Variants in GNL3L observed in about 807,000 individuals in gnomAD.
GNL3L encodes G protein nucleolar 3 like, also known as guanine nucleotide-binding protein-like 3-like protein.
GNL3L carries 4 observed loss-of-function variants against 42.9 expected under a neutral mutation model. The ratio of observed to expected loss-of-function variants is 0.09; its 90% confidence interval spans 0.05 to 0.21. GNL3L has a LOEUF of 0.21. Among genes scored for constraint, GNL3L ranks in the 10% least tolerant of loss-of-function variants. GNL3L has a pLI of 1.00. For synonymous variants in GNL3L, 159 were observed against 176.3 expected (o/e 0.90, Z 0.78); for missense variants, 412 against 481.7 (o/e 0.86, Z 1.36).
Position 54,542,936 on chromosome X carries a change from C to T in GNL3L, c.307-19C>T. On this transcript the variant is annotated intron_variant, in intron 5 of 15. Transcript: ENST00000360845. The stretch of plus-strand genomic sequence containing the variant: ...TCCCCCTCCTCCCCTGGACCATTCT[C>T]TTTTTTTTTCTCCTTTAGGAGGAAG... 9.5e-7 allele frequency: 1 copy of T among 1,052,110 alleles called. No homozygotes were observed. Among genetic ancestry groups the T allele is most frequent in the Non-Finnish European group, 1.3e-6 (1 of 753,998 alleles). 86.7% of individuals were successfully genotyped at this position (1,052,110 alleles called of 1,213,427 possible). A position where few individuals can be genotyped will look rare whatever the true frequency, so the allele number is the denominator to read the frequency against.
chrX:54,629,890 C>CT, the GNL3L span, among the ~76,000 whole-genome samples: 9 of 111,213 alleles, frequency 8.1e-5, no homozygotes, highest in Non-Finnish European at 1.1e-4. Context: ...TGGTCCTCTA[C>CT]TTTTTTTTGT....
chrX:54,580,295 A>G (rs1485284240), intron 16 of GNL3L, among the ~76,000 whole-genome samples: 1 of 107,144 alleles, frequency 9.3e-6, no homozygotes, highest in East Asian at 3.0e-4. Flanking sequence ...GATGATTTCC[A>G]GTTTCATCCA....
chrX:54,560,694 T>C lies in GNL3L; in HGVS notation c.*92T>C, dbSNP rs1925237387. 1.7e-6 allele frequency: 1 copy of C among 585,663 alleles called. No homozygotes were observed. The highest frequency in any genetic ancestry group is 2.4e-5 in the Admixed American group (1 of 42,547). 48.3% of individuals were successfully genotyped at this position (585,663 alleles called of 1,213,427 possible). On this transcript the variant is annotated 3_prime_UTR_variant, in exon 16 of 16. Transcript: ENST00000360845. ...ATAGTTTGGTTCTCCCTGAAGCATC[T>C]GCATATTGAAAGAACGCTTTCCCCA...
At chrX:54,532,399 C>T (rs773403349) in intron 1 of GNL3L, 121 bp from the exon 2 acceptor site, 5 of 469,918 alleles carry the variant, frequency 1.1e-5, no homozygotes, top group Non-Finnish European at 1.9e-5. Flanking sequence ...CCCAGTTTTC[C>T]TAATTATTAC....
At chrX:54,638,494 T>C in the GNL3L span, among the ~76,000 whole-genome samples, 1 of 111,934 alleles carries the variant, frequency 8.9e-6, no homozygotes, top group East Asian at 2.8e-4. Context: ...TTAATTGAGA[T>C]AGTCTGGCTC....
rs1557200453 is a variant in GNL3L, at chrX:54,606,980, T to TCTTTC, written c.*46-13849_*46-13845dup. On this transcript the variant is annotated intron_variant, in intron 16 of 16. Coordinates refer to the GNL3L transcript ENST00000674498. Reference sequence around the variant, plus strand: ...GTTCTGAGTGATGAAGATTTTTCTTTCTTTCCTTTCCTTTCCTTTCTTTCT... The same window carrying TCTTTC: ...GTTCTGAGTGATGAAGATTTTTCTTTCTTTCCTTTCCTTTCCTTTCCTTTCTTTCT... Among the ~76,000 whole-genome samples the TCTTTC allele has an allele frequency of 5.0e-4, 42 of 84,188 alleles. 1 individual carries two copies. The East Asian group carries it at 7.0e-3, about 14-fold the overall frequency. The allele number at this position is 84,188 out of a possible 115,157, so 73.1% of individuals were successfully genotyped here. A position where few individuals can be genotyped will look rare whatever the true frequency, so the allele number is the denominator to read the frequency against.
At chrX:54,620,752 C>T (rs756705868) in intron 16 of GNL3L, among the ~76,000 whole-genome samples, 17 of 111,936 alleles carry the variant, frequency 1.5e-4, no homozygotes, top group Non-Finnish European at 3.2e-4. Context: ...TACATTCCCA[C>T]CAATAGCGTG....
chrX:54,643,709 G>A, the GNL3L span, among the ~76,000 whole-genome samples: 1 of 110,823 alleles, frequency 9.0e-6, no homozygotes, highest in Non-Finnish European at 1.9e-5. Context: ...CCAAACACTA[G>A]ATCTTATTCC....
At chrX:54,601,360 T>G (rs949741596) in intron 16 of GNL3L, among the ~76,000 whole-genome samples, 4 of 111,928 alleles carry the variant, frequency 3.6e-5, no homozygotes, top group African/African-American at 6.5e-5. Flanking sequence ...TGCTATGTGA[T>G]TTATATTTCA....
intron 16 of GNL3L, among the ~76,000 whole-genome samples, chrX:54,590,746 T>C (rs1037193909): frequency 1.8e-5 from 2 of 111,624 alleles, no homozygotes; most frequent in African/African-American, 3.3e-5. Context: ...TTTCATAGTT[T>C]GAGGTCTTAG....
chrX:54,639,555 G>A, the GNL3L span, among the ~76,000 whole-genome samples: 1 of 112,170 alleles, frequency 8.9e-6, no homozygotes, highest in Non-Finnish European at 1.9e-5. Context: ...GGAAGTGAGT[G>A]GGACAATGGC....
At chrX:54,619,581 C>G (rs910065354) in intron 16 of GNL3L, among the ~76,000 whole-genome samples, 2 of 110,315 alleles carry the variant, frequency 1.8e-5, no homozygotes, top group Admixed American at 2.0e-4. Flanking sequence ...GTCTTGAACT[C>G]CTGGGCTCAA....
chrX:54,569,820 T>C (rs1925518099), downstream of GNL3L, among the ~76,000 whole-genome samples: 1 of 112,460 alleles, frequency 8.9e-6, no homozygotes, highest in African/African-American at 3.2e-5. Flanking sequence ...ATTTTTGTAT[T>C]ACTTAGAACT....
chrX:54,611,423 C>T (rs1926160108), intron 16 of GNL3L, among the ~76,000 whole-genome samples: 2 of 111,173 alleles, frequency 1.8e-5, no homozygotes, highest in Non-Finnish European at 3.8e-5. Flanking sequence ...TTCTCTAGTT[C>T]CTTGAGGTGT....
At chrX:54,630,679 T>TTCCTTCC in the GNL3L span, among the ~76,000 whole-genome samples, 1 of 982 alleles carries the variant, frequency 1.0e-3, no homozygotes, top group Admixed American at 0.01. Flanking sequence ...CCTTCCTTCC[T>TTCCTTCC]TCCTTCCTTC....
rs1925174630 is a variant in GNL3L, at chrX:54,558,745, C to T, written c.1666+90C>T. ...TTTTCTGGCTCACTGCAGTCTCCGC[C>T]CCCTGGGTTCAAGCGATTCTCCTGC... On this transcript the variant is annotated intron_variant, in intron 15 of 15. Coordinates refer to ENST00000360845, the MANE Select transcript of GNL3L (RefSeq NM_001184819.2). 31 of 622,221 alleles carry T rather than the reference C, an allele frequency of 5.0e-5. No homozygotes were observed. The South Asian group carries it at 5.4e-4, about 11-fold the overall frequency. The allele number at this position is 622,221 out of a possible 1,213,427, so 51.3% of individuals were successfully genotyped here.
chrX:54,536,324 G>A (rs932445001), intron 2 of GNL3L, among the ~76,000 whole-genome samples: 5 of 109,994 alleles, frequency 4.5e-5, no homozygotes, highest in Non-Finnish European at 9.5e-5. Flanking sequence ...TGATCCACCC[G>A]CCTTGGCCTC....
chrX:54,586,746 C>T (rs1925788042), intron 16 of GNL3L, among the ~76,000 whole-genome samples: 1 of 112,087 alleles, frequency 8.9e-6, no homozygotes, highest in Non-Finnish European at 1.9e-5. Context: ...TCTATAGCAC[C>T]ATTGAGGTGC....
At chrX:54,572,869 GGTC>G (rs1377164847) in intron 16 of GNL3L, among the ~76,000 whole-genome samples, 2 of 105,494 alleles carry the variant, frequency 1.9e-5, no homozygotes, top group African/African-American at 6.8e-5. Context: ...TCCCAGACGG[GGTC>G]GCAGCCGGGC....
Sources: allele counts gnomAD v4.1 joint callset (sites outside exome capture counted in the v4.1 genomes callset), GRCh38; gene constraint gnomAD v4.1.1; transcripts MANE v1.5; gene names NCBI Gene and HGNC (gene_info 2026-07-23, HGNC 2026-07-21).